Variants in SLC9A9 observed in about 807,000 individuals in gnomAD.
SLC9A9 encodes solute carrier family 9 member A9, also known as sodium/hydrogen exchanger 9.
A neutral mutation model predicts 77.8 loss-of-function variants in SLC9A9; 62 were observed. The ratio of observed to expected loss-of-function variants is 0.80; its 90% CI spans 0.65 to 0.98. The LOEUF (loss-of-function observed/expected upper bound fraction) is 0.98, where lower values mean the gene tolerates loss of function less well. SLC9A9 is among the 50% of genes least tolerant of loss of function. The pLI is 0.00. For synonymous variants in SLC9A9, 320 were observed against 283.5 expected, an observed-to-expected ratio of 1.13 and a Z score of -1.29; for missense variants, 775 against 774.9, an observed-to-expected ratio of 1.00 and a Z score of 0.00.
chr3:143,802,860 C>T (rs2108864830), intron 2 of SLC9A9, among the ~76,000 whole-genome samples: 1 of 152,288 alleles, frequency 6.6e-6, no homozygotes, highest in East Asian at 1.9e-4. Context: ...AGGGTACAGT[C>T]CATTTGAACT....
chr3:143,390,252 C>G (rs1051227228), intron 12 of SLC9A9, among the ~76,000 whole-genome samples: 1 of 152,182 alleles, frequency 6.6e-6, no homozygotes, highest in Admixed American at 6.5e-5. Flanking sequence ...CTATCTTTAA[C>G]TCTTTGCTGA....
intron 6 of SLC9A9, among the ~76,000 whole-genome samples, chr3:143,643,234 T>A (rs1290087580): frequency 6.6e-6 from 1 of 152,214 alleles, no homozygotes; most frequent in Non-Finnish European, 1.5e-5. Context: ...GTGACAGTTG[T>A]TTCAATAGTC....
intron 4 of SLC9A9, among the ~76,000 whole-genome samples, chr3:143,735,888 T>G (rs1319268189): frequency 6.6e-6 from 1 of 152,230 alleles, no homozygotes; most frequent in Non-Finnish European, 1.5e-5. Flanking sequence ...AGCGTTAATT[T>G]TTTTCAATGG....
intron 9 of SLC9A9, chr3:143,517,001 G>T: frequency 1.5e-6 from 1 of 672,350 alleles, no homozygotes; most frequent in South Asian, 1.9e-5. Context: ...CTGATTAATA[G>T]TGAGTTTGAG....
At chr3:143,820,731 C>T (rs1029182188) in intron 2 of SLC9A9, among the ~76,000 whole-genome samples, 16 of 152,292 alleles carry the variant, frequency 1.1e-4, no homozygotes, top group South Asian at 1.0e-3. Flanking sequence ...CCTCAGGAGT[C>T]ACGAGCCATG....
At chr3:143,624,150 G>C (rs1407177655) in intron 6 of SLC9A9, among the ~76,000 whole-genome samples, 1 of 152,132 alleles carries the variant, frequency 6.6e-6, no homozygotes, top group Non-Finnish European at 1.5e-5. Flanking sequence ...AAAAGTTCAG[G>C]ACCAGATGGA....
At chr3:143,803,601 T>A (rs1174447142) in intron 2 of SLC9A9, among the ~76,000 whole-genome samples, 2 of 152,132 alleles carry the variant, frequency 1.3e-5, no homozygotes, top group African/African-American at 4.8e-5. Context: ...CTTCAATACT[T>A]TCACCCTGAT....
intron 12 of SLC9A9, among the ~76,000 whole-genome samples, chr3:143,396,496 G>A (rs998174669): frequency 6.6e-6 from 1 of 152,188 alleles, no homozygotes. Context: ...TAATGTAAAT[G>A]ATGAGTTAAT....
Position 143,586,607 on chromosome 3 carries a change from C to T in SLC9A9, c.756-7884G>A, listed in dbSNP as rs2037545557. ...TATTATTTATCTTTTAATAACTGTACCAACCTGCCCTTTCTCAGATAAGTT... is the reference window on the plus strand; with the variant it reads ...TATTATTTATCTTTTAATAACTGTATCAACCTGCCCTTTCTCAGATAAGTT... On this transcript the variant is annotated intron_variant, in intron 6 of 15. Transcript: ENST00000316549. Among the ~76,000 whole-genome samples the T allele has an allele frequency of 2.6e-5, 4 of 152,130 alleles. No homozygotes were observed. In the East Asian group the frequency reaches 7.7e-4, roughly 29 times the overall value.
chr3:143,377,131 A>G (rs1201215320), intron 13 of SLC9A9, among the ~76,000 whole-genome samples: 1 of 152,246 alleles, frequency 6.6e-6, no homozygotes, highest in Admixed American at 6.5e-5. Flanking sequence ...TGATGACCCC[A>G]CTATCTGCTA....
At chr3:143,842,166 G>T (rs996972894) in intron 1 of SLC9A9, among the ~76,000 whole-genome samples, 1 of 152,078 alleles carries the variant, frequency 6.6e-6, no homozygotes, top group African/African-American at 2.4e-5. Flanking sequence ...AGATCACGAG[G>T]TCAGGAGATC....
intron 14 of SLC9A9, among the ~76,000 whole-genome samples, chr3:143,353,246 T>A (rs1453366570): frequency 6.6e-6 from 1 of 152,220 alleles, no homozygotes; most frequent in African/African-American, 2.4e-5. Context: ...CCTCTCTGGC[T>A]TCCATGGCAC....
chr3:143,507,878 T>C (rs986027596), intron 9 of SLC9A9, among the ~76,000 whole-genome samples: 1 of 152,184 alleles, frequency 6.6e-6, no homozygotes, highest in African/African-American at 2.4e-5. Context: ...TATCTTCATA[T>C]GCTGGAGAGC....
intron 9 of SLC9A9, among the ~76,000 whole-genome samples, chr3:143,525,267 T>C (rs2036385503): frequency 6.6e-6 from 1 of 152,210 alleles, no homozygotes; most frequent in Non-Finnish European, 1.5e-5. Flanking sequence ...ACAGATCAAC[T>C]ATGAAAAGAC....
At chr3:143,473,793 A>G (rs1160291899) in intron 11 of SLC9A9, among the ~76,000 whole-genome samples, 1 of 152,256 alleles carries the variant, frequency 6.6e-6, no homozygotes, top group Non-Finnish European at 1.5e-5. Flanking sequence ...CCCAGAACAC[A>G]AAACTCTGTA....
intron 14 of SLC9A9, among the ~76,000 whole-genome samples, chr3:143,359,164 T>G (rs1262388098): frequency 6.6e-6 from 1 of 152,232 alleles, no homozygotes; most frequent in Non-Finnish European, 1.5e-5. Flanking sequence ...GAAATGAAGG[T>G]GCCCTGGATA....
intron 4 of SLC9A9, among the ~76,000 whole-genome samples, chr3:143,704,172 A>G (rs1365122218): frequency 6.6e-6 from 1 of 152,210 alleles, no homozygotes; most frequent in African/African-American, 2.4e-5. Flanking sequence ...ACTCTGCTCA[A>G]ACTATTCTGA....
chr3:143,287,983 G>A (rs1938427961), intron 14 of SLC9A9, among the ~76,000 whole-genome samples: 1 of 152,100 alleles, frequency 6.6e-6, no homozygotes. Flanking sequence ...AAAAATTTAG[G>A]CTTTTGATCA....
At chr3:143,505,818 AACTGAATAAAT>A (rs912075620) in intron 9 of SLC9A9, among the ~76,000 whole-genome samples, 8 of 152,210 alleles carry the variant, frequency 5.3e-5, no homozygotes, top group Non-Finnish European at 7.3e-5. Context: ...AGCTTCATTA[AACTGAATAAAT>A]ACTGAATAAA....
Sources: gnomAD v4.1 joint callset for allele counts (sites outside exome capture counted in the v4.1 genomes callset) on GRCh38, gnomAD v4.1.1 for gene constraint, MANE v1.5 for transcripts, NCBI Gene and HGNC (gene_info 2026-07-23, HGNC 2026-07-21) for gene names.